Variants in SAMD12 observed in about 807,000 individuals in gnomAD.
SAMD12 encodes sterile alpha motif domain containing 12.
A neutral mutation model predicts 15.0 loss-of-function variants in SAMD12; 9 were observed. That is an observed-to-expected ratio of 0.60 (90% confidence interval 0.36 to 1.05). The LOEUF is 1.05. SAMD12 is among the 50% of genes least tolerant of loss of function. The pLI, the probability that SAMD12 is intolerant of heterozygous loss-of-function variation, is 0.01. For missense variants in SAMD12, 230 were observed against 234.2 expected (o/e 0.98, Z 0.12); for synonymous variants, 86 against 90.1 (o/e 0.96, Z 0.25).
rs149256185 is a variant in SAMD12 at position 118,447,093 on chromosome 8, T to C, written c.193-7132A>G. Among the ~76,000 whole-genome samples, 1,111 of 152,244 alleles carry C rather than the reference T, an allele frequency of 7.3e-3. 5 individuals carry two copies. Among genetic ancestry groups the C allele is most frequent in the Middle Eastern group, 0.014 (4 of 292 alleles). The stretch of plus-strand genomic sequence containing the variant: ...TGCATCCTGGATTTTTCATAGACTT[T>C]CGTCTTTCTCTTGTACTCCACATAT... On this transcript the variant is annotated intron_variant, in intron 2 of 3. Coordinates refer to ENST00000314727, the MANE Select transcript of SAMD12 (RefSeq NM_207506.3).
At chr8:118,366,881 T>TAAAATAAAATAATAAAATAA (rs1372250393) in intron 4 of SAMD12, among the ~76,000 whole-genome samples, 4 of 52,352 alleles carry the variant, frequency 7.6e-5, no homozygotes, top group African/African-American at 2.5e-4. Flanking sequence ...TAAAATAAAA[T>TAAAATAAAATAATAAAATAA]AATAAAATAA....
intron 4 of SAMD12, among the ~76,000 whole-genome samples, chr8:118,202,086 A>G (rs924476916): frequency 1.3e-5 from 2 of 152,230 alleles, no homozygotes; most frequent in Non-Finnish European, 2.9e-5. Context: ...CACCTTTAAA[A>G]TAGCAGTCAT....
rs28365511 is a variant in SAMD12 at position 118,298,172 on chromosome 8, C to G, written c.433+81388G>C. 8.7e-3 allele frequency among the ~76,000 whole-genome samples: 1,326 copies of G among 152,300 alleles called. 28 individuals are homozygous for G. Among genetic ancestry groups the G allele is most frequent in the South Asian group, 0.05 (241 of 4,826 alleles). On this transcript the variant is annotated intron_variant, in intron 4 of 4. Transcript: ENST00000409003. Reference sequence around the variant, plus strand: ...GGCAAATCGTTCATTTGTTATTAGACATCTTTAAACCTTTTAACCTTTAAG... The same window carrying G: ...GGCAAATCGTTCATTTGTTATTAGAGATCTTTAAACCTTTTAACCTTTAAG...
chr8:118,603,922 C>T (rs1175600786), intron 1 of SAMD12, among the ~76,000 whole-genome samples: 3 of 151,990 alleles, frequency 2.0e-5, no homozygotes, highest in South Asian at 4.2e-4. Flanking sequence ...CAGCATATAA[C>T]AAAAAATTAC....
At chr8:118,355,284 G>A (rs865786197) in intron 4 of SAMD12, among the ~76,000 whole-genome samples, 21 of 152,314 alleles carry the variant, frequency 1.4e-4, no homozygotes, top group African/African-American at 4.8e-4. Flanking sequence ...AGTAACTCAG[G>A]AGTGGAAAGC....
chr8:118,593,354 T>G (rs973680217), intron 1 of SAMD12, among the ~76,000 whole-genome samples: 2 of 152,110 alleles, frequency 1.3e-5, no homozygotes, highest in African/African-American at 4.8e-5. Flanking sequence ...AACAAGTTCC[T>G]TTTCAAATAT....
At chr8:118,184,817 C>T (rs4339679), downstream of SAMD12, among the ~76,000 whole-genome samples, 85,815 of 151,792 alleles carry the variant, frequency 0.57, 25,600 homozygotes, top group Middle Eastern at 0.68. Context: ...AAATATAGTT[C>T]TGAATTCACC....
At chr8:118,502,798 T>C (rs1200311691) in intron 2 of SAMD12, among the ~76,000 whole-genome samples, 1 of 152,140 alleles carries the variant, frequency 6.6e-6, no homozygotes, top group Non-Finnish European at 1.5e-5. Flanking sequence ...ATTTTGAAAA[T>C]GGGAGGAATG....
the SAMD12 span, among the ~76,000 whole-genome samples, chr8:118,152,266 C>T: frequency 6.6e-6 from 1 of 152,060 alleles, no homozygotes; most frequent in Non-Finnish European, 1.5e-5. Flanking sequence ...ATTCTACATC[C>T]CCAGAACACA....
intron 4 of SAMD12, among the ~76,000 whole-genome samples, chr8:118,307,542 C>T (rs1047160924): frequency 2.6e-5 from 4 of 152,216 alleles, no homozygotes; most frequent in Non-Finnish European, 4.4e-5. Context: ...TTGATGTCTA[C>T]CACATGCCTG....
intron 4 of SAMD12, among the ~76,000 whole-genome samples, chr8:118,314,845 G>A (rs1357298858): frequency 1.3e-5 from 2 of 152,042 alleles, no homozygotes; most frequent in East Asian, 1.9e-4. Flanking sequence ...TCCAGTCTTC[G>A]GCTATTACAA....
chr8:118,606,637 G>C (rs989727413), intron 1 of SAMD12, among the ~76,000 whole-genome samples: 1 of 151,852 alleles, frequency 6.6e-6, no homozygotes, highest in East Asian at 1.9e-4. Context: ...AGCCAGATGA[G>C]GCAGGATTCA....
chr8:118,196,849 T>C (rs1042312588), exon 5 of SAMD12: 2 of 152,138 alleles, frequency 1.3e-5, no homozygotes, highest in Admixed American at 1.3e-4. Flanking sequence ...CCTCCTGTAT[T>C]TGAGTACCTG....
intron 2 of SAMD12, among the ~76,000 whole-genome samples, chr8:118,455,798 T>C (rs1020594893): frequency 3.3e-5 from 5 of 152,210 alleles, no homozygotes; most frequent in African/African-American, 9.6e-5. Context: ...TAATCATCCT[T>C]ATACATACAT....
chr8:118,571,195 G>A (rs1347218175), intron 2 of SAMD12, among the ~76,000 whole-genome samples: 3 of 152,178 alleles, frequency 2.0e-5, no homozygotes, highest in African/African-American at 7.2e-5. Context: ...CAGAAATGTA[G>A]AAGTGACTTT....
intron 2 of SAMD12, among the ~76,000 whole-genome samples, chr8:118,440,810 T>C (rs1393655810): frequency 3.3e-5 from 5 of 152,134 alleles, no homozygotes; most frequent in African/African-American, 9.7e-5. Context: ...TTCATGCCCA[T>C]GGGATGACCA....
At chr8:118,137,603 T>C in the SAMD12 span, among the ~76,000 whole-genome samples, 2 of 152,188 alleles carry the variant, frequency 1.3e-5, no homozygotes, top group Admixed American at 6.5e-5. Context: ...TTGAGTTACA[T>C]GGCTTGGAGG....
At chr8:118,556,384 T>C (rs1255042604) in intron 2 of SAMD12, among the ~76,000 whole-genome samples, 1 of 152,186 alleles carries the variant, frequency 6.6e-6, no homozygotes, top group African/African-American at 2.4e-5. Flanking sequence ...GCATTCTTCA[T>C]GACTCATGAG....
chr8:118,300,963 A>G (rs2130326909), intron 4 of SAMD12, among the ~76,000 whole-genome samples: 1 of 152,324 alleles, frequency 6.6e-6, no homozygotes, highest in South Asian at 2.1e-4. Context: ...TTGAGCATTC[A>G]TTTATGGAGT....
Sources: gnomAD v4.1 joint callset for allele counts (sites outside exome capture counted in the v4.1 genomes callset) on GRCh38, gnomAD v4.1.1 for gene constraint, MANE v1.5 for transcripts, NCBI Gene and HGNC (gene_info 2026-07-23, HGNC 2026-07-21) for gene names.